ARHGEF40: variants seen among roughly 807,000 people sequenced by gnomAD.
ARHGEF40 encodes the protein Rho guanine nucleotide exchange factor 40, also known as Rho guanine nucleotide exchange factor (GEF) 40.
A neutral mutation model predicts 165.9 loss-of-function variants in ARHGEF40; 98 were observed. The ratio of observed to expected loss-of-function variants is 0.59; its 90% CI spans 0.50 to 0.70. The LOEUF is 0.70. ARHGEF40 is among the 30% of genes least tolerant of loss of function. The probability of loss-of-function intolerance (pLI) is 0.00; values close to 1 mark genes in which losing one functional copy is unlikely to be tolerated. For synonymous variants in ARHGEF40, 792 were observed against 814.3 expected (o/e 0.97, Z 0.47); for missense variants, 1,815 against 1,968.0 (o/e 0.92, Z 1.47).
Position 21,090,014 on chromosome 14 carries a change from T to C in ARHGEF40, c.*1006T>C, listed in dbSNP as rs1594589571. ...ATAACTAAGTGTCTGAAGAGGTGAC[T>C]ATTTCCTGACAGAAGGACCCAAAGA... is the stretch of plus-strand genomic sequence containing the variant. On this transcript the variant is annotated 3_prime_UTR_variant, in exon 24 of 24. Coordinates refer to ENST00000298694, the MANE Select transcript of ARHGEF40 (RefSeq NM_018071.5). The surrounding 1 kb of genome is among the most constrained non-coding windows in gnomAD (Gnocchi z 4.4). 2 of 250,362 alleles carry C rather than the reference T, an allele frequency of 8.0e-6. No individual in the cohort carries two copies. Among genetic ancestry groups the C allele is most frequent in the South Asian group, 8.1e-5 (2 of 24,620 alleles). 15.5% of individuals were successfully genotyped at this position (250,362 alleles called of 1,614,324 possible).
Position 21,084,051 on chromosome 14 carries a change from G to A in ARHGEF40, c.3789+1G>A, listed in dbSNP as rs1485830174. ...CGTGGAGGCGGTGCGTGGCTGTGAGGTGAGGCCCTAGCTCCAGTCACTGCT... is the reference window on the plus strand; with the variant it reads ...CGTGGAGGCGGTGCGTGGCTGTGAGATGAGGCCCTAGCTCCAGTCACTGCT... On this transcript the variant is annotated splice_donor_variant, in intron 17 of 23. Coordinates refer to ENST00000298694, the MANE Select transcript of ARHGEF40 (RefSeq NM_018071.5). LOFTEE classifies it high-confidence loss of function. 1.9e-6 allele frequency: 3 copies of A among 1,602,652 alleles called. No individual in the cohort carries two copies. Among genetic ancestry groups the A allele is most frequent in the Non-Finnish European group, 2.6e-6 (3 of 1,175,500 alleles).
chr14:21,067,761 T>TACACACACACACACACAC (rs3061993), upstream of ARHGEF40, among the ~76,000 whole-genome samples: 2 of 150,022 alleles, frequency 1.3e-5, no homozygotes, highest in African/African-American at 4.9e-5. Context: ...TGTACACACG[T>TACACACACACACACACAC]ACACACACAC....
chr14:21,088,725 T>C lies in ARHGEF40; in HGVS notation c.4519-105T>C. ...AATAGCAAAATTCAAGGATTTTGGG[T>C]AGGAAAGAGAGGTGAATTGACAGGC... On this transcript the variant is annotated intron_variant, in intron 22 of 23. Transcript: ENST00000298694. 4.1e-6 allele frequency: 5 copies of C among 1,207,564 alleles called. No individual in the cohort carries two copies. In the South Asian group the frequency reaches 5.7e-5, roughly 14 times the overall value. 74.8% of individuals were successfully genotyped at this position (1,207,564 alleles called of 1,614,324 possible).
chr14:21,075,032 A>C lies in ARHGEF40; in HGVS notation c.1302A>C (p.Glu434Asp). 1 of 1,614,030 alleles carries C rather than the reference A, an allele frequency of 6.2e-7. No homozygotes were observed. Residue 434 changes from glutamate to aspartate, a missense_variant, in exon 3 of 24, where the codon GAA becomes GAC. Physicochemically the swap from Glu to Asp is conservative, Grantham distance 45. Coordinates refer to ENST00000298694, the MANE Select transcript of ARHGEF40 (RefSeq NM_018071.5). This position sits in a 1 kb window ranked among gnomAD's most constrained non-coding sequence, Gnocchi z 4.5. ...KLPECHLVKE[E>D]YEGSGKPESE... ...CAGAATGCCACCTGGTTAAGGAGGA[A>C]TATGAAGGCTCAGGGAAGCCAGAAT...
chr14:21,067,761 T>TACACACAC (rs3061993), upstream of ARHGEF40, among the ~76,000 whole-genome samples: 205 of 150,122 alleles, frequency 1.4e-3, no homozygotes, highest in African/African-American at 3.5e-3. Context: ...TGTACACACG[T>TACACACAC]ACACACACAC....
intron 19 of ARHGEF40, 53 bp from the exon 20 acceptor site, chr14:21,086,948 G>T: frequency 7.0e-7 from 1 of 1,426,950 alleles, no homozygotes; most frequent in Non-Finnish European, 9.7e-7. Context: ...TGACATGCTA[G>T]GGCTAGAGAG....
At position 21,070,621 on chromosome 14, in the gene ARHGEF40, C is replaced by T. The variant is rs1431958898; in HGVS notation, c.3+222C>T. On this transcript the variant is annotated intron_variant, in intron 1 of 23. Coordinates refer to ENST00000298694, the MANE Select transcript of ARHGEF40 (RefSeq NM_018071.5). This position sits in a 1 kb window ranked among gnomAD's most constrained non-coding sequence, Gnocchi z 4.7. Reference sequence around the variant, plus strand: ...CCTCACCCTTTCTTCCTCCTCTCCTCCGCCTCCTCCCCCATCCTCCCTTGG... The same window carrying T: ...CCTCACCCTTTCTTCCTCCTCTCCTTCGCCTCCTCCCCCATCCTCCCTTGG... Among the ~76,000 whole-genome samples, 1 of 152,072 alleles carries T rather than the reference C, an allele frequency of 6.6e-6. No homozygotes were observed. The highest frequency in any genetic ancestry group is 2.4e-5 in the African/African-American group (1 of 41,412).
chr14:21,073,253 G>A lies in ARHGEF40; in HGVS notation c.201+11G>A, dbSNP rs200873279. On this transcript the variant is annotated intron_variant, in intron 2 of 23. Transcript: ENST00000298694. The surrounding 1 kb of genome is among the most constrained non-coding windows in gnomAD (Gnocchi z 4.6). Reference sequence around the variant, plus strand: ...CAGCAGGAAGCCTGTGTGAGTGGCCGTGCATCACTATTCTGCCTTCCCCAA... The same window carrying A: ...CAGCAGGAAGCCTGTGTGAGTGGCCATGCATCACTATTCTGCCTTCCCCAA... 1.1e-4 allele frequency: 170 copies of A among 1,591,090 alleles called. 1 individual carries two copies. Among genetic ancestry groups the A allele is most frequent in the African/African-American group, 1.6e-4 (12 of 74,382 alleles).
Position 21,074,389 on chromosome 14 carries a change from A to C in ARHGEF40, c.659A>C (p.Glu220Ala), listed in dbSNP as rs762122580. ...PGLPSPPLPEEALGTRSPGDG... is the reference protein window; with the variant it reads ...PGLPSPPLPEAALGTRSPGDG... ...CTTCCCAGCCCTCCACTTCCTGAGG[A>C]GGCGCTGGGTACCCGGAGTCCTGGG... Residue 220 changes from glutamate to alanine, a missense_variant, in exon 3 of 24, where the codon GAG becomes GCG. Transcript: ENST00000298694. The surrounding 1 kb of genome is among the most constrained non-coding windows in gnomAD (Gnocchi z 4.8). The C allele has an allele frequency of 1.2e-6, 2 of 1,613,420 alleles. No homozygotes were observed. Among genetic ancestry groups the C allele is most frequent in the Non-Finnish European group, 1.7e-6 (2 of 1,179,786 alleles).
chr14:21,078,278 A>T lies in ARHGEF40; in HGVS notation c.2130+6A>T. On this transcript the variant is annotated splice_donor_region_variant and intron_variant, in intron 9 of 23. Coordinates refer to ENST00000298694, the MANE Select transcript of ARHGEF40 (RefSeq NM_018071.5). ...CAGCAGAGCCAGAGGAAGAGGTATG[A>T]AATGAGATGGGACAGTGGGGGGATG... 1 of 1,613,488 alleles carries T rather than the reference A, an allele frequency of 6.2e-7. No individual in the cohort carries two copies. The highest frequency in any genetic ancestry group is 8.5e-7 in the Non-Finnish European group (1 of 1,179,758).
At position 21,086,074 on chromosome 14, in the gene ARHGEF40, G is replaced by A. The variant is rs112087844; in HGVS notation, c.4138+208G>A. The A allele has an allele frequency of 2.6e-3, 1,662 of 640,534 alleles. 11 individuals carry two copies. In the African/African-American group the frequency reaches 0.026, roughly 10 times the overall value. 39.7% of individuals were successfully genotyped at this position (640,534 alleles called of 1,614,324 possible). A position where few individuals can be genotyped will look rare whatever the true frequency, so the allele number is the denominator to read the frequency against. Reference sequence around the variant, plus strand: ...AGAAAGAGAAAGCTGGCAAATTTCCGGGAAGCAAGAGCAAGTAGGGGCCAG... The same window carrying A: ...AGAAAGAGAAAGCTGGCAAATTTCCAGGAAGCAAGAGCAAGTAGGGGCCAG... On this transcript the variant is annotated intron_variant, in intron 19 of 23. Transcript: ENST00000298694.
Position 21,075,168 on chromosome 14 carries a change from C to T in ARHGEF40, c.1438C>T (p.Leu480=). ...GAGAGAGCTGGAGGGGCCAGGCCTG[C>T]TGTGTATGGCAGGTGAGATGACACG... ...GERELEGPGL[L]CMAGHTGPEG... Residue 480 remains leucine, a synonymous_variant, in exon 3 of 24, where the codon CTG becomes TTG. Transcript: ENST00000298694. The surrounding 1 kb of genome is among the most constrained non-coding windows in gnomAD (Gnocchi z 4.5). 1 of 1,597,122 alleles carries T rather than the reference C, an allele frequency of 6.3e-7. No homozygotes were observed. Among genetic ancestry groups the T allele is most frequent in the Non-Finnish European group, 8.5e-7 (1 of 1,172,652 alleles).
upstream of ARHGEF40, among the ~76,000 whole-genome samples, chr14:21,067,980 C>CTTTT (rs1171332473): frequency 9.0e-5 from 2 of 22,284 alleles, 1 homozygote; most frequent in Non-Finnish European, 2.5e-4. Flanking sequence ...AGTGGCTCCC[C>CTTTT]TTTTTTTTTT....
rs1364319843 is a variant in ARHGEF40, at chr14:21,072,528, T to A, written c.4-517T>A. Among the ~76,000 whole-genome samples the A allele has an allele frequency of 2.0e-5, 3 of 152,038 alleles. No homozygotes were observed. Among genetic ancestry groups the A allele is most frequent in the African/African-American group, 7.2e-5 (3 of 41,400 alleles). ...ACCATCTCTAGCATATAAATGAGCA[T>A]CTCTCTTTCACCAAATGATCATCTC... On this transcript the variant is annotated intron_variant, in intron 1 of 23. Coordinates refer to ENST00000298694, the MANE Select transcript of ARHGEF40 (RefSeq NM_018071.5). This position sits in a 1 kb window ranked among gnomAD's most constrained non-coding sequence, Gnocchi z 4.1.
chr14:21,080,199 GAC>G (rs71112543), intron 11 of ARHGEF40, among the ~76,000 whole-genome samples: 6,035 of 135,200 alleles, frequency 0.045, 135 homozygotes, highest in East Asian at 0.11. Context: ...ATTAAAGCCG[GAC>G]ACACACACAC....
Position 21,081,357 on chromosome 14 carries a change from T to C in ARHGEF40, c.2641-152T>C. On this transcript the variant is annotated intron_variant, in intron 13 of 23. Transcript: ENST00000298694. ...CCATACCAACTCCGAGTGACATGGT[T>C]AGGCAGTGATGGTGGAACAGTGAGA... is the stretch of plus-strand genomic sequence containing the variant. 5.3e-6 allele frequency: 6 copies of C among 1,121,698 alleles called. No individual in the cohort carries two copies. The South Asian group carries it at 6.1e-5, about 11-fold the overall frequency. 69.5% of individuals were successfully genotyped at this position (1,121,698 alleles called of 1,614,324 possible). A position where few individuals can be genotyped will look rare whatever the true frequency, so the allele number is the denominator to read the frequency against.
intron 11 of ARHGEF40, among the ~76,000 whole-genome samples, chr14:21,080,197 C>T (rs1255998038): frequency 6.4e-5 from 6 of 94,218 alleles, no homozygotes; most frequent in African/African-American, 2.7e-4. Context: ...AAATTAAAGC[C>T]GGACACACAC....
chr14:21,068,704 G>C (rs534739546), upstream of ARHGEF40, among the ~76,000 whole-genome samples: 2 of 152,320 alleles, frequency 1.3e-5, no homozygotes, highest in East Asian at 3.9e-4. Context: ...TCCCCTAGCC[G>C]GGTGTTAGAA....
chr14:21,076,239 G>A lies in ARHGEF40; in HGVS notation c.1740-121G>A, dbSNP rs549332498. Reference sequence around the variant, plus strand: ...TTGCCCATTTCTTCCCAAATGTACCGGCAACTAATTTCTCCTCAGGACTAT... The same window carrying A: ...TTGCCCATTTCTTCCCAAATGTACCAGCAACTAATTTCTCCTCAGGACTAT... On this transcript the variant is annotated intron_variant, in intron 5 of 23. Coordinates refer to ENST00000298694, the MANE Select transcript of ARHGEF40 (RefSeq NM_018071.5). 2.1e-4 allele frequency: 174 copies of A among 811,564 alleles called. 2 individuals are homozygous for A. In the Admixed American group the frequency reaches 3.0e-3, roughly 14 times the overall value. The allele number at this position is 811,564 out of a possible 1,614,324, so 50.3% of individuals were successfully genotyped here.
Sources: allele counts gnomAD v4.1 joint callset (sites outside exome capture counted in the v4.1 genomes callset), GRCh38; gene constraint gnomAD v4.1.1; non-coding constraint Gnocchi (gnomAD v3.1); transcripts MANE v1.5; gene names NCBI Gene and HGNC (gene_info 2026-07-23, HGNC 2026-07-21).